The following MYCBP2 variants were observed in gnomAD, a reference collection of about 807,000 sequenced individuals.
The protein encoded by MYCBP2 is MYC binding protein 2, also known as E3 ubiquitin-protein ligase MYCBP2.
In MYCBP2, 120 loss-of-function variants were observed where a neutral mutation model predicts 525.3. The observed-to-expected ratio is 0.23, with a 90% CI of 0.20 to 0.27. The LOEUF (loss-of-function observed/expected upper bound fraction) is 0.27. Ranked by LOEUF, MYCBP2 falls within the 10% of genes least tolerant of loss-of-function variation. The pLI is 1.00. For synonymous variants in MYCBP2, 1,894 were observed against 1,955.8 expected (o/e 0.97, Z 0.83); for missense variants, 4,149 against 5,657.1 (o/e 0.73, Z 8.55).
At chr13:77,276,675 T>C (rs1045814991) in intron 4 of MYCBP2, among the ~76,000 whole-genome samples, 1 of 151,956 alleles carries the variant, frequency 6.6e-6, no homozygotes, top group African/African-American at 2.4e-5. Flanking sequence ...GGTTTTTTTT[T>C]TGGTAGAGAT....
intron 15 of MYCBP2, among the ~76,000 whole-genome samples, chr13:77,246,616 A>T (rs1449456835): frequency 2.7e-5 from 4 of 149,896 alleles, no homozygotes; most frequent in Non-Finnish European, 5.9e-5. Context: ...AGGAGAAGAA[A>T]GAAGAAGGAG....
At chr13:77,128,380 A>C (rs1357100425) in intron 52 of MYCBP2, among the ~76,000 whole-genome samples, 3 of 151,898 alleles carry the variant, frequency 2.0e-5, no homozygotes, top group Non-Finnish European at 2.9e-5. Flanking sequence ...TAGCAAAAAA[A>C]CCCAACTTCA....
intron 68 of MYCBP2, among the ~76,000 whole-genome samples, chr13:77,071,516 CT>C (rs933043941): frequency 3.3e-5 from 5 of 151,390 alleles, no homozygotes; most frequent in African/African-American, 4.9e-5. Flanking sequence ...AAAACCAAAA[CT>C]TTTTTTTTGG....
intron 8 of MYCBP2, 68 bp from the exon 9 acceptor site, chr13:77,264,070 T>C (rs564462965): frequency 1.8e-5 from 23 of 1,290,338 alleles, no homozygotes; most frequent in Non-Finnish European, 2.5e-5. Flanking sequence ...TTTACTCCTC[T>C]GTTGAAGTCA....
intron 47 of MYCBP2, among the ~76,000 whole-genome samples, chr13:77,148,817 C>G (rs1331982517): frequency 1.3e-5 from 2 of 152,094 alleles, no homozygotes; most frequent in African/African-American, 4.8e-5. Flanking sequence ...TAAGATTCAT[C>G]ACTTCCATTT....
At chr13:77,051,736 C>T (rs1655854440) in intron 81 of MYCBP2, 75 bp downstream of exon 81, 5 of 1,062,192 alleles carry the variant, frequency 4.7e-6, no homozygotes, top group African/African-American at 1.6e-5. Context: ...TTTACATTCC[C>T]ACCATATTAT....
chr13:77,256,882 G>A (rs1447050037), intron 14 of MYCBP2, among the ~76,000 whole-genome samples: 1 of 151,970 alleles, frequency 6.6e-6, no homozygotes, highest in Non-Finnish European at 1.5e-5. Flanking sequence ...CACTGCTATG[G>A]ATATACCCAA....
intron 28 of MYCBP2, among the ~76,000 whole-genome samples, chr13:77,191,280 C>T (rs998992111): frequency 4.6e-5 from 7 of 152,154 alleles, no homozygotes; most frequent in Non-Finnish European, 8.8e-5. Flanking sequence ...TAAAATAACA[C>T]ACATTGCTGA....
At chr13:77,150,126 A>G (rs1326530814) in intron 47 of MYCBP2, among the ~76,000 whole-genome samples, 1 of 152,162 alleles carries the variant, frequency 6.6e-6, no homozygotes, top group African/African-American at 2.4e-5. Flanking sequence ...TCCAAAATAT[A>G]TATTTTTTAA....
At chr13:77,319,739 T>C (rs1409988026) in intron 1 of MYCBP2, among the ~76,000 whole-genome samples, 7 of 152,202 alleles carry the variant, frequency 4.6e-5, no homozygotes, top group Non-Finnish European at 8.8e-5. Context: ...TTAAGTTGCA[T>C]AGCTACAGTG....
chr13:77,169,313 G>A (rs189525482), intron 39 of MYCBP2, among the ~76,000 whole-genome samples: 2,466 of 150,928 alleles, frequency 0.016, 42 homozygotes, highest in Non-Finnish European at 0.025. Context: ...GGAGAATGGC[G>A]TGAACCCGGA....
intron 52 of MYCBP2, among the ~76,000 whole-genome samples, chr13:77,138,851 T>G (rs986238649): frequency 1.3e-5 from 2 of 152,202 alleles, no homozygotes; most frequent in African/African-American, 4.8e-5. Context: ...TTCATAAACT[T>G]TAGTTTGGAA....
Position 77,302,956 on chromosome 13 carries a change from T to C in MYCBP2, c.303-6282A>G, listed in dbSNP as rs529432733. On this transcript the variant is annotated intron_variant, in intron 1 of 82. Coordinates refer to ENST00000544440, the MANE Select transcript of MYCBP2 (RefSeq NM_015057.5). ...TAAATGGGAAAATACAAATCCACAA[T>C]TGAAAGAGTAAGTTCTAACATACCT... is the stretch of plus-strand genomic sequence containing the variant. Among the ~76,000 whole-genome samples, 18 of 152,272 alleles carry C rather than the reference T, an allele frequency of 1.2e-4. 1 individual carries two copies. In the South Asian group the frequency reaches 2.7e-3, roughly 23 times the overall value.
intron 38 of MYCBP2, 125 bp downstream of exon 38, chr13:77,171,367 G>T: frequency 1.1e-6 from 1 of 902,180 alleles, no homozygotes; most frequent in Non-Finnish European, 1.7e-6. Flanking sequence ...TCCATGGGTG[G>T]ATCTATAAAT....
intron 3 of MYCBP2, 22 bp downstream of exon 3, chr13:77,288,139 T>C: frequency 6.2e-7 from 1 of 1,610,566 alleles, no homozygotes. Context: ...CATCTAAATA[T>C]TAATAGAACT....
At chr13:77,122,031 T>A (rs1424918355) in intron 54 of MYCBP2, among the ~76,000 whole-genome samples, 1 of 152,000 alleles carries the variant, frequency 6.6e-6, no homozygotes, top group Non-Finnish European at 1.5e-5. Context: ...TTTTCCCAAA[T>A]AGAAGGATAA....
intron 4 of MYCBP2, among the ~76,000 whole-genome samples, chr13:77,274,892 T>C (rs2075345313): frequency 6.6e-6 from 1 of 152,158 alleles, no homozygotes; most frequent in Non-Finnish European, 1.5e-5. Flanking sequence ...TCTTCACTTG[T>C]CTGTACACAT....
At chr13:77,216,190 T>C (rs2064802200) in intron 21 of MYCBP2, among the ~76,000 whole-genome samples, 1 of 152,104 alleles carries the variant, frequency 6.6e-6, no homozygotes, top group Non-Finnish European at 1.5e-5. Flanking sequence ...GGAGATAATC[T>C]AGGCACCCAA....
At chr13:77,199,521 C>G (rs1370362791) in intron 26 of MYCBP2, among the ~76,000 whole-genome samples, 9 of 151,800 alleles carry the variant, frequency 5.9e-5, no homozygotes, top group Non-Finnish European at 7.4e-5. Context: ...CAAGAAGCTC[C>G]AACTGGGTGG....
Sources: gnomAD v4.1 joint callset for allele counts (sites outside exome capture counted in the v4.1 genomes callset) on GRCh38, gnomAD v4.1.1 for gene constraint, MANE v1.5 for transcripts, NCBI Gene and HGNC (gene_info 2026-07-23, HGNC 2026-07-21) for gene names.